AKT3: variants seen among roughly 807,000 people sequenced by gnomAD.
The protein encoded by AKT3 is AKT serine/threonine kinase 3, also known as RAC-gamma serine/threonine-protein kinase.
Under a neutral mutation model 65.3 loss-of-function variants are expected in AKT3, and 15 were observed. That is an observed-to-expected ratio of 0.23 (90% CI 0.15 to 0.35). The LOEUF (loss-of-function observed/expected upper bound fraction) is 0.35, where lower values mean the gene tolerates loss of function less well. AKT3 is among the 10% of genes least tolerant of loss of function. AKT3 has a pLI of 1.00. For synonymous variants in AKT3, 206 were observed against 183.8 expected (o/e 1.12, Z -0.98); for missense variants, 243 against 576.5 (o/e 0.42, Z 5.92).
At chr1:243,578,868 C>T (rs951853204) in intron 8 of AKT3, among the ~76,000 whole-genome samples, 1 of 152,128 alleles carries the variant, frequency 6.6e-6, no homozygotes, top group Non-Finnish European at 1.5e-5. Flanking sequence ...TACCAATCTG[C>T]AAGGACATCA....
intron 6 of AKT3, among the ~76,000 whole-genome samples, chr1:243,633,396 T>C (rs1278030475): frequency 6.6e-6 from 1 of 152,176 alleles, no homozygotes; most frequent in Non-Finnish European, 1.5e-5. Context: ...TAATACCACT[T>C]TTTGCTTTCT....
chr1:243,595,804 C>T (rs1384428372), intron 8 of AKT3, among the ~76,000 whole-genome samples: 1 of 152,024 alleles, frequency 6.6e-6, no homozygotes, highest in East Asian at 1.9e-4. Flanking sequence ...CCTGAAGGAC[C>T]CACCTGATGC....
chr1:243,583,557 GAAAAAAA>G (rs977215298), intron 8 of AKT3, among the ~76,000 whole-genome samples: 1 of 38,792 alleles, frequency 2.6e-5, no homozygotes, highest in Non-Finnish European at 1.0e-4. Flanking sequence ...AAAAAAAAAA[GAAAAAAA>G]AAAGAAAAAG....
intron 8 of AKT3, among the ~76,000 whole-genome samples, chr1:243,592,898 T>C (rs1319686879): frequency 2.6e-5 from 4 of 152,196 alleles, no homozygotes; most frequent in African/African-American, 9.6e-5. Flanking sequence ...CATACAAATG[T>C]AAAATGTATT....
chr1:243,497,350 G>A (rs989122886), downstream of AKT3, among the ~76,000 whole-genome samples: 8 of 147,036 alleles, frequency 5.4e-5, no homozygotes, highest in African/African-American at 1.0e-4. Context: ...GGGGGGGGGC[G>A]TTGAGCAGTG....
intron 4 of AKT3, among the ~76,000 whole-genome samples, chr1:243,660,569 T>A (rs1453478480): frequency 6.6e-6 from 1 of 152,154 alleles, no homozygotes; most frequent in Non-Finnish European, 1.5e-5. Context: ...CTCAAAATAA[T>A]AAGAGCTATC....
chr1:243,844,412 T>G (rs1695421999), intron 1 of AKT3, among the ~76,000 whole-genome samples: 1 of 152,206 alleles, frequency 6.6e-6, no homozygotes, highest in East Asian at 1.9e-4. Flanking sequence ...GTCACAAATT[T>G]GGCATGGAGC....
rs939661365 is a variant in AKT3, at chr1:243,561,112, T to C, written c.948+2608A>G. On this transcript the variant is annotated intron_variant, in intron 10 of 13. Coordinates refer to ENST00000673466, the MANE Select transcript of AKT3 (RefSeq NM_005465.7). ...TTTTAAAGAGAGAAAATTATATTTTTGGCAAGAAAATAATAGTATGAAATT... is the reference window on the plus strand; with the variant it reads ...TTTTAAAGAGAGAAAATTATATTTTCGGCAAGAAAATAATAGTATGAAATT... 9.9e-5 allele frequency among the ~76,000 whole-genome samples: 15 copies of C among 152,198 alleles called. No homozygotes were observed. The South Asian group carries it at 1.9e-3, about 19-fold the overall frequency.
chr1:243,808,382 T>C (rs1429171812), intron 2 of AKT3: 2 of 152,130 alleles, frequency 1.3e-5, no homozygotes, highest in East Asian at 3.9e-4. Flanking sequence ...ACGTGACGAA[T>C]GCACAAGCTT....
chr1:243,523,063 G>T (rs929218187), intron 12 of AKT3, among the ~76,000 whole-genome samples: 3 of 152,108 alleles, frequency 2.0e-5, no homozygotes, highest in African/African-American at 7.2e-5. Context: ...GAGGTAGAAG[G>T]TCAATTTGAG....
At chr1:243,666,218 G>A (rs1216441209) in intron 3 of AKT3, among the ~76,000 whole-genome samples, 1 of 152,084 alleles carries the variant, frequency 6.6e-6, no homozygotes, top group East Asian at 1.9e-4. Flanking sequence ...TGGCCAAGCT[G>A]ATCTCGAACT....
chr1:243,809,032 C>T (rs925392376), intron 2 of AKT3, among the ~76,000 whole-genome samples: 7 of 152,048 alleles, frequency 4.6e-5, no homozygotes, highest in South Asian at 2.1e-4. Flanking sequence ...CTGAAGGAGG[C>T]GCTAAACATG....
chr1:243,725,925 C>T (rs1687180169), intron 2 of AKT3, among the ~76,000 whole-genome samples: 1 of 152,198 alleles, frequency 6.6e-6, no homozygotes, highest in Admixed American at 6.5e-5. Flanking sequence ...GGTGTTTATA[C>T]ACATTCACTC....
chr1:243,626,689 C>T (rs1260609330), intron 6 of AKT3, among the ~76,000 whole-genome samples: 1 of 152,238 alleles, frequency 6.6e-6, no homozygotes, highest in East Asian at 1.9e-4. Flanking sequence ...CCTCTGATTC[C>T]AAAACCTATT....
chr1:243,736,483 T>C (rs1363831207), intron 2 of AKT3, among the ~76,000 whole-genome samples: 2 of 152,144 alleles, frequency 1.3e-5, no homozygotes, highest in South Asian at 2.1e-4. Context: ...GAAGGAATCA[T>C]AGTCCTGGAA....
chr1:243,603,804 C>CT (rs1287658364), intron 8 of AKT3, among the ~76,000 whole-genome samples: 1 of 151,830 alleles, frequency 6.6e-6, no homozygotes, highest in Non-Finnish European at 1.5e-5. Flanking sequence ...TATGATACTT[C>CT]TCTGCATATT....
chr1:243,756,346 C>T (rs896029449), intron 2 of AKT3, among the ~76,000 whole-genome samples: 1 of 152,062 alleles, frequency 6.6e-6, no homozygotes, highest in East Asian at 1.9e-4. Flanking sequence ...CTGCTGATTC[C>T]AGGGCTGAAG....
At chr1:243,662,406 G>C (rs1457050104) in intron 4 of AKT3, among the ~76,000 whole-genome samples, 1 of 151,960 alleles carries the variant, frequency 6.6e-6, no homozygotes, top group Non-Finnish European at 1.5e-5. Context: ...GTCCTTTGTA[G>C]GGACATGGAT....
In AKT3 at chr1:243,613,223, T is replaced by C. The variant is rs1678035062; in HGVS notation, c.696+448A>G. 2.7e-5 allele frequency among the ~76,000 whole-genome samples: 4 copies of C among 150,478 alleles called. No individual in the cohort carries two copies. In the South Asian group the frequency reaches 8.3e-4, roughly 31 times the overall value. ...CACATATATATATATATAGTCATAG[T>C]ACTCTACTATAAAGAAGAGAAAACT... On this transcript the variant is annotated intron_variant, in intron 8 of 13. Transcript: ENST00000673466.
Sources: allele counts gnomAD v4.1 joint callset (sites outside exome capture counted in the v4.1 genomes callset), GRCh38; gene constraint gnomAD v4.1.1; transcripts MANE v1.5; gene names NCBI Gene and HGNC (gene_info 2026-07-23, HGNC 2026-07-21).